Variants in ATP6V1E1 observed in about 807,000 individuals in gnomAD.
The protein encoded by ATP6V1E1 is ATPase H+ transporting V1 subunit E1, also known as V-type proton ATPase subunit E 1.
In ATP6V1E1, 21 loss-of-function variants were observed where a neutral mutation model predicts 35.2. The ratio of observed to expected loss-of-function variants is 0.60; its 90% confidence interval spans 0.42 to 0.86. The LOEUF (loss-of-function observed/expected upper bound fraction) is 0.86, where lower values mean the gene tolerates loss of function less well. Among genes scored for constraint, ATP6V1E1 ranks in the 40% least tolerant of loss-of-function variants. ATP6V1E1 has a pLI of 0.00. For missense variants in ATP6V1E1, 183 were observed against 272.6 expected (o/e 0.67, Z 2.32); for synonymous variants, 83 against 87.8 (o/e 0.95, Z 0.30).
intron 2 of ATP6V1E1, among the ~76,000 whole-genome samples, chr22:17,614,986 G>A (rs1322703795): frequency 6.6e-6 from 1 of 151,692 alleles, no homozygotes; most frequent in Non-Finnish European, 1.5e-5. Context: ...TCCCTCATGG[G>A]TAAGTGTCGC....
Position 17,612,813 on chromosome 22 carries a change from G to A in ATP6V1E1, c.275C>T (p.Thr92Ile). 5 of 1,595,366 alleles carry A rather than the reference G, an allele frequency of 3.1e-6. No homozygotes were observed. The highest frequency in any genetic ancestry group is 4.3e-6 in the Non-Finnish European group (5 of 1,174,138). ...AACTAATAGGGGCTAATTACTCACT[G>A]TGATAAGGTCATCTCTTGCTCTGAG... ...KVLRARDDLI[T>I]DLLNEAKQRL... Residue 92 changes from threonine to isoleucine, a missense_variant and splice_region_variant, in exon 4 of 9, where the codon ACA (threonine) becomes ATA (isoleucine). Transcript: ENST00000253413.
chr22:17,617,632 C>T (rs539578114), intron 2 of ATP6V1E1, among the ~76,000 whole-genome samples: 9 of 151,796 alleles, frequency 5.9e-5, no homozygotes, highest in East Asian at 1.9e-4. Context: ...TTAAAAAATG[C>T]GTGTTATGAT....
chr22:17,592,969 T>C (rs1363769838), intron 8 of ATP6V1E1, among the ~76,000 whole-genome samples: 1 of 152,148 alleles, frequency 6.6e-6, no homozygotes, highest in Non-Finnish European at 1.5e-5. Flanking sequence ...TTTGTATTTT[T>C]AGTAGAGACG....
At chr22:17,605,574 G>A (rs961142385) in intron 4 of ATP6V1E1, among the ~76,000 whole-genome samples, 1 of 151,964 alleles carries the variant, frequency 6.6e-6, no homozygotes, top group African/African-American at 2.4e-5. Context: ...TTGCGGTTTG[G>A]GGAAATGATA....
chr22:17,599,203 G>A (rs927029358), intron 6 of ATP6V1E1, among the ~76,000 whole-genome samples: 9 of 151,976 alleles, frequency 5.9e-5, no homozygotes, highest in Non-Finnish European at 1.3e-4. Flanking sequence ...GGATGGTGGT[G>A]ATGGCTGCAC....
chr22:17,602,486 T>G (rs1435842910), intron 4 of ATP6V1E1, among the ~76,000 whole-genome samples: 1 of 151,954 alleles, frequency 6.6e-6, no homozygotes, highest in Non-Finnish European at 1.5e-5. Flanking sequence ...GCAATTCTTC[T>G]GCCTCAGCCT....
At position 17,628,697 on chromosome 22, in the gene ATP6V1E1, A is replaced by G. The variant is rs1239544195; in HGVS notation, c.-62T>C. ...GAGTTTAGGTTTGAAAGGTGAGGTGAGAGAAATCGGCAAAGGGAACCCCTG... is the reference window on the plus strand; with the variant it reads ...GAGTTTAGGTTTGAAAGGTGAGGTGGGAGAAATCGGCAAAGGGAACCCCTG... On this transcript the variant is annotated 5_prime_UTR_variant, in exon 1 of 9. Coordinates refer to ENST00000253413, the MANE Select transcript of ATP6V1E1 (RefSeq NM_001696.4). 4.3e-6 allele frequency: 7 copies of G among 1,609,670 alleles called. No homozygotes were observed. Among genetic ancestry groups the G allele is most frequent in the Non-Finnish European group, 6.0e-6 (7 of 1,176,282 alleles).
chr22:17,616,748 C>T (rs1456469998), intron 2 of ATP6V1E1, among the ~76,000 whole-genome samples: 1 of 148,360 alleles, frequency 6.7e-6, no homozygotes, highest in Non-Finnish European at 1.5e-5. Flanking sequence ...GTATTTGATC[C>T]AGAAAGAGTC....
intron 2 of ATP6V1E1, among the ~76,000 whole-genome samples, chr22:17,616,578 C>G (rs1467527210): frequency 6.7e-6 from 1 of 150,254 alleles, no homozygotes; most frequent in East Asian, 2.0e-4. Flanking sequence ...ACTTGGGAGG[C>G]TGAGGCAGGA....
At chr22:17,606,357 T>C (rs1017697117) in intron 4 of ATP6V1E1, among the ~76,000 whole-genome samples, 9 of 139,872 alleles carry the variant, frequency 6.4e-5, no homozygotes, top group Non-Finnish European at 1.4e-4. Context: ...ACTCAAAGCA[T>C]GTATGTGTGC....
intron 2 of ATP6V1E1, among the ~76,000 whole-genome samples, chr22:17,617,614 G>C (rs570546204): frequency 6.6e-6 from 1 of 151,786 alleles, no homozygotes; most frequent in East Asian, 1.9e-4. Context: ...ATATTTTTAA[G>C]GCAAGCTTTA....
At chr22:17,594,836 T>C (rs1382677157) in intron 7 of ATP6V1E1, 2 of 350,212 alleles carry the variant, frequency 5.7e-6, no homozygotes, top group East Asian at 1.0e-4. Flanking sequence ...TGAAACAGCG[T>C]AGTATTTGCA....
Position 17,621,935 on chromosome 22 carries a change from G to C in ATP6V1E1, c.34-2409C>G, listed in dbSNP as rs1377707227. Among the ~76,000 whole-genome samples the C allele has an allele frequency of 3.9e-5, 6 of 152,168 alleles. No individual in the cohort carries two copies. The East Asian group carries it at 5.8e-4, about 15-fold the overall frequency. The stretch of plus-strand genomic sequence containing the variant: ...GCTAGGAACTTGTTAAAGGTTCCTA[G>C]ATCACCGGCTACAATTGGAGAATAA... On this transcript the variant is annotated intron_variant, in intron 1 of 8. Coordinates refer to ENST00000253413, the MANE Select transcript of ATP6V1E1 (RefSeq NM_001696.4).
At chr22:17,594,454 G>T in intron 8 of ATP6V1E1, 75 bp downstream of exon 8, 1 of 1,165,634 alleles carries the variant, frequency 8.6e-7, no homozygotes, top group Non-Finnish European at 1.2e-6. Context: ...CCAAATACCA[G>T]TGAATGGACA....
At chr22:17,623,600 G>A (rs938281006) in intron 1 of ATP6V1E1, among the ~76,000 whole-genome samples, 2 of 151,948 alleles carry the variant, frequency 1.3e-5, no homozygotes, top group African/African-American at 4.8e-5. Flanking sequence ...GAACCTGGGA[G>A]GTGGAGGTTG....
At chr22:17,601,849 C>G (rs985072024) in intron 4 of ATP6V1E1, among the ~76,000 whole-genome samples, 1 of 152,178 alleles carries the variant, frequency 6.6e-6, no homozygotes, top group Non-Finnish European at 1.5e-5. Context: ...TCAGGTGATC[C>G]GCCTGCCTTG....
intron 1 of ATP6V1E1, 129 bp downstream of exon 1, chr22:17,628,474 G>A: frequency 7.7e-7 from 1 of 1,305,406 alleles, no homozygotes; most frequent in Non-Finnish European, 1.1e-6. Flanking sequence ...CTTGGATCTG[G>A]TGACTTGGAG....
chr22:17,596,455 T>C (rs185650795), intron 7 of ATP6V1E1, among the ~76,000 whole-genome samples: 1 of 151,110 alleles, frequency 6.6e-6, no homozygotes, highest in South Asian at 2.1e-4. Flanking sequence ...TCTCTCGCCA[T>C]GTGGTCTCTA....
intron 6 of ATP6V1E1, among the ~76,000 whole-genome samples, chr22:17,598,821 G>A (rs1187332977): frequency 6.6e-6 from 1 of 152,070 alleles, no homozygotes; most frequent in Non-Finnish European, 1.5e-5. Flanking sequence ...TCTACTTCTG[G>A]GTATACAGAC....
Sources: allele counts gnomAD v4.1 joint callset (sites outside exome capture counted in the v4.1 genomes callset), GRCh38; gene constraint gnomAD v4.1.1; transcripts MANE v1.5; gene names NCBI Gene and HGNC (gene_info 2026-07-23, HGNC 2026-07-21).